MYO1D: variants seen among roughly 807,000 people sequenced by gnomAD.
MYO1D encodes the protein unconventional myosin-Id.
In MYO1D, 83 loss-of-function variants were observed where a neutral mutation model predicts 122.0. That is an observed-to-expected ratio of 0.68 (90% confidence interval 0.57 to 0.82). The LOEUF (loss-of-function observed/expected upper bound fraction) is 0.82, where lower values mean the gene tolerates loss of function less well. Among genes scored for constraint, MYO1D ranks in the 40% least tolerant of loss-of-function variants. The probability of loss-of-function intolerance (pLI) is 0.00; values close to 1 mark genes in which losing one functional copy is unlikely to be tolerated. For synonymous variants in MYO1D, 464 were observed against 446.9 expected (o/e 1.04, Z -0.48); for missense variants, 1,157 against 1,269.5 (o/e 0.91, Z 1.35).
chr17:32,819,573 G>A (rs774713882), intron 1 of MYO1D, among the ~76,000 whole-genome samples: 16 of 152,124 alleles, frequency 1.1e-4, no homozygotes, highest in Non-Finnish European at 2.4e-4. Context: ...TGCAGGGAAT[G>A]TCCATACTTT....
At chr17:32,671,945 T>C (rs1181809244) in intron 16 of MYO1D, among the ~76,000 whole-genome samples, 1 of 152,226 alleles carries the variant, frequency 6.6e-6, no homozygotes, top group Non-Finnish European at 1.5e-5. Context: ...TTTAAAAATA[T>C]TGCATGAACA....
chr17:32,524,703 C>T (rs1043132784), intron 21 of MYO1D, among the ~76,000 whole-genome samples: 9 of 151,686 alleles, frequency 5.9e-5, no homozygotes, highest in Admixed American at 5.3e-4. Context: ...GCTGGGATTA[C>T]AGGTGCCCAC....
intron 19 of MYO1D, 111 bp downstream of exon 19, chr17:32,653,732 G>T: frequency 1.2e-6 from 1 of 830,208 alleles, no homozygotes; most frequent in Non-Finnish European, 1.9e-6. Flanking sequence ...GTGAACTGAT[G>T]ATGAAGCTAG....
intron 1 of MYO1D, among the ~76,000 whole-genome samples, chr17:32,810,509 G>A (rs565412716): frequency 2.0e-5 from 3 of 147,618 alleles, no homozygotes; most frequent in African/African-American, 2.5e-5. Flanking sequence ...ACAGAGTCTC[G>A]CTCTATTGCC....
chr17:32,575,501 A>G (rs1353737795), intron 21 of MYO1D, among the ~76,000 whole-genome samples: 2 of 152,234 alleles, frequency 1.3e-5, no homozygotes, highest in African/African-American at 2.4e-5. Context: ...GTGTGATTAT[A>G]TAGTACAAGG....
chr17:32,557,080 T>C (rs546464388), intron 21 of MYO1D, among the ~76,000 whole-genome samples: 2 of 151,938 alleles, frequency 1.3e-5, no homozygotes, highest in South Asian at 4.2e-4. Flanking sequence ...TATCATTCAG[T>C]GAAATGATGT....
chr17:32,566,074 C>A (rs2087170804), intron 21 of MYO1D, among the ~76,000 whole-genome samples: 3 of 152,134 alleles, frequency 2.0e-5, no homozygotes, highest in Admixed American at 1.3e-4. Context: ...GATAAGAAAT[C>A]CATCTACAGC....
chr17:32,632,034 T>C (rs2150934002), intron 20 of MYO1D, among the ~76,000 whole-genome samples: 1 of 152,314 alleles, frequency 6.6e-6, no homozygotes, highest in South Asian at 2.1e-4. Context: ...CTTTATTCCC[T>C]TCCTTCCTTG....
chr17:32,702,773 T>C (rs1333075255), intron 16 of MYO1D, among the ~76,000 whole-genome samples: 1 of 152,234 alleles, frequency 6.6e-6, no homozygotes, highest in African/African-American at 2.4e-5. Flanking sequence ...ACAACTACAA[T>C]GGAAGACTGC....
At chr17:32,831,815 A>G (rs2090773513) in intron 1 of MYO1D, among the ~76,000 whole-genome samples, 1 of 152,210 alleles carries the variant, frequency 6.6e-6, no homozygotes, top group Non-Finnish European at 1.5e-5. Flanking sequence ...GTAAGTTCTC[A>G]GTGATATGCT....
intron 21 of MYO1D, among the ~76,000 whole-genome samples, chr17:32,496,674 A>G (rs1196447115): frequency 6.6e-6 from 1 of 151,604 alleles, no homozygotes. Context: ...TCAACCTGGT[A>G]TGGCGTTGGG....
At chr17:32,799,780 T>C (rs1266033553) in intron 1 of MYO1D, among the ~76,000 whole-genome samples, 1 of 151,912 alleles carries the variant, frequency 6.6e-6, no homozygotes, top group East Asian at 1.9e-4. Flanking sequence ...TGGGAGAACA[T>C]ACCTACAAAT....
rs781163176 is a variant in MYO1D, at chr17:32,780,760, C to G, written c.120G>C (p.Thr40=). The G allele has an allele frequency of 6.2e-7, 1 of 1,614,130 alleles. No homozygotes were observed. Among genetic ancestry groups the G allele is most frequent in the East Asian group, 2.2e-5 (1 of 44,890 alleles). ...RLRFEKGRIY[T]FIGEVVVSVN... ...CAGAAACGACGACTTCTCCAATGAA[C>G]GTATAGATGCGCCCTTTTTCAAATC... The change falls in exon 2 of 22, where the codon ACG becomes ACC. Residue 40 remains threonine (T), a synonymous_variant. Transcript: ENST00000318217.
chr17:32,777,030 G>A (rs1567637258), intron 3 of MYO1D, among the ~76,000 whole-genome samples: 3 of 152,048 alleles, frequency 2.0e-5, no homozygotes, highest in African/African-American at 4.8e-5. Flanking sequence ...TGTGTGGGGG[G>A]AAACTGCTTG....
At chr17:32,723,055 C>G (rs2089530654) in intron 14 of MYO1D, among the ~76,000 whole-genome samples, 1 of 152,170 alleles carries the variant, frequency 6.6e-6, no homozygotes, top group Admixed American at 6.5e-5. Context: ...AACAAAACCT[C>G]AGGACGCTGA....
chr17:32,494,779 G>T lies in MYO1D; in HGVS notation c.3001C>A (p.Leu1001Ile). ...DFTKNRSGFI[L>I]SVPGN is the part of the protein sequence containing the mutation. ...GGGCGTCAGTTCCCGGGCACGCTGA[G>T]GATGAAGCCCGAGCGATTCTTGGTG... is the stretch of plus-strand genomic sequence containing the variant. The change falls in exon 22 of 22, where the codon CTC (leucine) becomes ATC (isoleucine). Residue 1001 changes from leucine (L) to isoleucine (I), a missense_variant. Transcript: ENST00000318217. The T allele has an allele frequency of 6.2e-7, 1 of 1,609,398 alleles. No individual in the cohort carries two copies. Among genetic ancestry groups the T allele is most frequent in the Non-Finnish European group, 8.5e-7 (1 of 1,178,020 alleles).
chr17:32,632,749 G>A (rs1285502240), intron 20 of MYO1D, among the ~76,000 whole-genome samples: 1 of 151,994 alleles, frequency 6.6e-6, no homozygotes, highest in East Asian at 1.9e-4. Context: ...ATGTTGGGAG[G>A]AGGTAAGACG....
At chr17:32,585,019 T>C (rs970648006) in intron 21 of MYO1D, among the ~76,000 whole-genome samples, 1 of 152,224 alleles carries the variant, frequency 6.6e-6, no homozygotes, top group African/African-American at 2.4e-5. Context: ...AGAATTTCCA[T>C]GCATCAAAGA....
chr17:32,714,796 T>C (rs956396680), intron 15 of MYO1D, among the ~76,000 whole-genome samples: 1 of 151,940 alleles, frequency 6.6e-6, no homozygotes. Context: ...CAAAAGTAAT[T>C]GCAAAAAAAG....
Sources: gnomAD v4.1 joint callset for allele counts (sites outside exome capture counted in the v4.1 genomes callset) on GRCh38, gnomAD v4.1.1 for gene constraint, MANE v1.5 for transcripts, NCBI Gene and HGNC (gene_info 2026-07-23, HGNC 2026-07-21) for gene names.